The following ATP9B variants were observed in gnomAD, a reference collection of about 807,000 sequenced individuals.
ATP9B encodes ATPase phospholipid transporting 9B.
ATP9B carries 110 observed loss-of-function variants against 146.1 expected under a neutral mutation model. The ratio of observed to expected loss-of-function variants is 0.75; its 90% CI spans 0.65 to 0.88. The LOEUF is 0.88. Among genes scored for constraint, ATP9B ranks in the 40% least tolerant of loss-of-function variants. The pLI, the probability that ATP9B is intolerant of heterozygous loss-of-function variation, is 0.00. For synonymous variants in ATP9B, 604 were observed against 569.7 expected, an observed-to-expected ratio of 1.06 and a Z score of -0.86; for missense variants, 1,499 against 1,496.4, an observed-to-expected ratio of 1.00 and a Z score of -0.03.
chr18:79,348,215 C>G lies in ATP9B; in HGVS notation c.2903+19C>G. ...TGGTGGGGTAAGTTACACTCAGAACCTGCCAGCTCATCCAGGGGAGGACTT... is the reference window on the plus strand; with the variant it reads ...TGGTGGGGTAAGTTACACTCAGAACGTGCCAGCTCATCCAGGGGAGGACTT... On this transcript the variant is annotated intron_variant, in intron 25 of 29. Transcript: ENST00000426216. 6.8e-7 allele frequency: 1 copy of G among 1,462,230 alleles called. No individual in the cohort carries two copies. The highest frequency in any genetic ancestry group is 9.5e-7 in the Non-Finnish European group (1 of 1,052,914). The allele number at this position is 1,462,230 out of a possible 1,614,324, so 90.6% of individuals were successfully genotyped here.
rs1263080300 is a variant in ATP9B, at chr18:79,347,885, A to G, written c.2798A>G (p.Gln933Arg). Residue 933 changes from glutamine to arginine, a missense_variant, in exon 24 of 30, where the codon CAG becomes CGG. Coordinates refer to ENST00000426216, the MANE Select transcript of ATP9B (RefSeq NM_198531.5). ...NSYKRSAALG[Q>R]FVMHRGLIIS... ...TACAAGAGGTCGGCGGCACTCGGCC[A>G]GTTCGTCATGCACAGGGGCCTTATC... 6.2e-7 allele frequency: 1 copy of G among 1,613,940 alleles called. No homozygotes were observed. Among genetic ancestry groups the G allele is most frequent in the South Asian group, 1.1e-5 (1 of 91,084 alleles).
At chr18:79,303,462 C>T (rs985234236) in intron 13 of ATP9B, 142 bp from the exon 14 acceptor site, 4 of 518,888 alleles carry the variant, frequency 7.7e-6, no homozygotes, top group East Asian at 5.9e-5. Context: ...AAGTAACAAT[C>T]TTAACGCTAC....
At chr18:79,110,321 AAAAT>A (rs1390874021) in intron 2 of ATP9B, 30 bp from the exon 3 acceptor site, 1 of 1,502,738 alleles carries the variant, frequency 6.7e-7, no homozygotes, top group Non-Finnish European at 8.9e-7. Context: ...AAAGCAAAAA[AAAAT>A]ACACAATACG....
intron 13 of ATP9B, among the ~76,000 whole-genome samples, chr18:79,302,738 G>A (rs867008215): frequency 1.4e-4 from 21 of 152,110 alleles, no homozygotes; most frequent in African/African-American, 4.6e-4. Context: ...CTAAAGAAAA[G>A]CCATCCTATC....
At position 79,190,316 on chromosome 18, in the gene ATP9B, A is replaced by G. The variant is rs145036667; in HGVS notation, c.874-2867A>G. Among the ~76,000 whole-genome samples, 817 of 152,306 alleles carry G rather than the reference A, an allele frequency of 5.4e-3. 11 individuals carry two copies. The highest frequency in any genetic ancestry group is 0.018 in the African/African-American group (734 of 41,556). ...CTTTAAACATTTAAAAAAAAATTCT[A>G]GGGTATGTGGTGTATCTTCAAGGTT... On this transcript the variant is annotated intron_variant, in intron 8 of 29. Coordinates refer to ENST00000426216, the MANE Select transcript of ATP9B (RefSeq NM_198531.5).
chr18:79,154,316 T>C (rs956498715), intron 6 of ATP9B, among the ~76,000 whole-genome samples, 188 bp from the exon 7 acceptor site: 3 of 152,066 alleles, frequency 2.0e-5, no homozygotes, highest in African/African-American at 7.2e-5. Flanking sequence ...GGGAAAAAAA[T>C]CTTAGCATTT....
chr18:79,237,697 G>GTTTTTGTT (rs2095855088), intron 11 of ATP9B, among the ~76,000 whole-genome samples: 1 of 144,980 alleles, frequency 6.9e-6, no homozygotes, highest in Non-Finnish European at 1.5e-5. Flanking sequence ...TTTGGGGGGG[G>GTTTTTGTT]GTGGGGGAAG....
chr18:79,292,866 T>C (rs562167724), intron 13 of ATP9B, among the ~76,000 whole-genome samples: 1 of 152,206 alleles, frequency 6.6e-6, no homozygotes, highest in South Asian at 2.1e-4. Context: ...TAAGTGATCC[T>C]CGTGCCTCAG....
At chr18:79,088,914 G>A (rs1010614370) in intron 1 of ATP9B, among the ~76,000 whole-genome samples, 2 of 152,274 alleles carry the variant, frequency 1.3e-5, no homozygotes, top group East Asian at 1.9e-4. Context: ...TCAATGCATC[G>A]TCACAAATTG....
intron 11 of ATP9B, among the ~76,000 whole-genome samples, chr18:79,252,600 C>T (rs1477593085): frequency 6.6e-6 from 1 of 152,176 alleles, no homozygotes; most frequent in East Asian, 1.9e-4. Flanking sequence ...TGCTAGTTCT[C>T]TCTGTTTCCA....
chr18:79,172,637 G>GTGCCCGCCTAGAGACTT (rs2095095929), intron 7 of ATP9B, among the ~76,000 whole-genome samples: 2 of 152,182 alleles, frequency 1.3e-5, no homozygotes, highest in African/African-American at 4.8e-5. Flanking sequence ...CGTAGCCACC[G>GTGCCCGCCTAGAGACTT]TGCCCGCCTA....
intron 12 of ATP9B, among the ~76,000 whole-genome samples, chr18:79,265,970 C>G (rs1325572537): frequency 6.6e-6 from 1 of 152,194 alleles, no homozygotes; most frequent in African/African-American, 2.4e-5. Context: ...AGCCAGTTAT[C>G]TCAGCACCAT....
At chr18:79,278,579 G>T (rs1280864483) in intron 13 of ATP9B, among the ~76,000 whole-genome samples, 1 of 152,122 alleles carries the variant, frequency 6.6e-6, no homozygotes, top group African/African-American at 2.4e-5. Flanking sequence ...TATCTCAAAA[G>T]TAGAAATTCA....
At chr18:79,204,605 ATGT>A (rs917573220) in intron 9 of ATP9B, among the ~76,000 whole-genome samples, 1 of 152,238 alleles carries the variant, frequency 6.6e-6, no homozygotes. Context: ...AGCATGCAAC[ATGT>A]TGTACTTGAT....
chr18:79,169,784 A>C (rs2095041388), intron 7 of ATP9B, among the ~76,000 whole-genome samples: 1 of 152,172 alleles, frequency 6.6e-6, no homozygotes, highest in African/African-American at 2.4e-5. Context: ...CTGTGGGAAG[A>C]ATGGTTCCTG....
At chr18:79,127,181 C>T (rs1362836722) in intron 5 of ATP9B, among the ~76,000 whole-genome samples, 1 of 152,140 alleles carries the variant, frequency 6.6e-6, no homozygotes, top group African/African-American at 2.4e-5. Context: ...ATTTTTAACA[C>T]CTTATTGGGC....
chr18:79,256,284 T>TATATATATATATATACATAC (rs1217998447), intron 12 of ATP9B, among the ~76,000 whole-genome samples: 1 of 122,896 alleles, frequency 8.1e-6, no homozygotes, highest in African/African-American at 2.9e-5. Context: ...TATATATATA[T>TATATATATATATATACATAC]ATACATACAT....
intron 7 of ATP9B, among the ~76,000 whole-genome samples, chr18:79,162,725 A>C (rs1000776470): frequency 1.3e-5 from 2 of 152,196 alleles, no homozygotes; most frequent in African/African-American, 4.8e-5. Flanking sequence ...AATGGCAGAC[A>C]ATCTGGTATT....
At chr18:79,353,262 T>C (rs1361132757) in intron 25 of ATP9B, 1 of 152,284 alleles carries the variant, frequency 6.6e-6, no homozygotes, top group Non-Finnish European at 1.5e-5. Context: ...CCCTCCTCAG[T>C]GTTCACCCAG....
Sources: gnomAD v4.1 joint callset for allele counts (sites outside exome capture counted in the v4.1 genomes callset) on GRCh38, gnomAD v4.1.1 for gene constraint, MANE v1.5 for transcripts, NCBI Gene and HGNC (gene_info 2026-07-23, HGNC 2026-07-21) for gene names.